Variants in ZNF804B observed in about 807,000 individuals in gnomAD.
The protein encoded by ZNF804B is zinc finger 804B.
A neutral mutation model predicts 101.4 loss-of-function variants in ZNF804B; 80 were observed. That is an observed-to-expected ratio of 0.79 (90% CI 0.66 to 0.95). The LOEUF is 0.95. Ranked by LOEUF, ZNF804B falls within the 40% of genes least tolerant of loss-of-function variation. ZNF804B has a pLI of 0.00. For missense variants in ZNF804B, 1,673 were observed against 1,561.9 expected (o/e 1.07, Z -1.20); for synonymous variants, 622 against 558.8 (o/e 1.11, Z -1.59).
At chr7:88,776,567 T>TTG (rs1562790553) in intron 1 of ZNF804B, among the ~76,000 whole-genome samples, 3 of 145,072 alleles carry the variant, frequency 2.1e-5, no homozygotes, top group African/African-American at 8.0e-5. Flanking sequence ...TTTGTTTTTT[T>TTG]TTTTTTTTTT....
intron 1 of ZNF804B, among the ~76,000 whole-genome samples, chr7:88,938,656 T>G (rs1411317535): frequency 6.6e-6 from 1 of 151,984 alleles, no homozygotes; most frequent in East Asian, 1.9e-4. Flanking sequence ...TATACTGGCT[T>G]TCTAAAAAAT....
chr7:88,900,133 A>G (rs181127696), intron 1 of ZNF804B, among the ~76,000 whole-genome samples: 51 of 152,212 alleles, frequency 3.4e-4, no homozygotes, highest in Middle Eastern at 6.8e-3. Flanking sequence ...TTATTTTAGA[A>G]CAAGATTGGC....
intron 1 of ZNF804B, among the ~76,000 whole-genome samples, chr7:88,877,062 T>TGAAAAAAAAAATATA (rs1583992424): frequency 1.6e-5 from 1 of 63,152 alleles, no homozygotes; most frequent in Non-Finnish European, 2.9e-5. Flanking sequence ...TTTTTTTTTT[T>TGAAAAAAAAAATATA]TTTTTTTTTT....
intron 1 of ZNF804B, among the ~76,000 whole-genome samples, chr7:88,803,164 A>ACC: frequency 6.6e-6 from 1 of 152,168 alleles, no homozygotes; most frequent in South Asian, 2.1e-4. Context: ...TCAGAAAAAA[A>ACC]AACGTTAAAA....
chr7:89,104,924 T>C (rs914489044), intron 1 of ZNF804B, among the ~76,000 whole-genome samples: 1 of 152,128 alleles, frequency 6.6e-6, no homozygotes, highest in Non-Finnish European at 1.5e-5. Flanking sequence ...AACGCAAACA[T>C]GTTCTTCTAC....
chr7:89,191,319 T>C (rs1006146257), intron 1 of ZNF804B, among the ~76,000 whole-genome samples: 9 of 152,156 alleles, frequency 5.9e-5, no homozygotes, highest in Non-Finnish European at 1.2e-4. Context: ...GCATTCATTA[T>C]GAATCTATGA....
intron 1 of ZNF804B, among the ~76,000 whole-genome samples, chr7:89,070,902 G>T (rs939151505): frequency 3.9e-5 from 6 of 151,992 alleles, no homozygotes; most frequent in Non-Finnish European, 7.4e-5. Context: ...TAGTTATCAA[G>T]ATTTCAAAAT....
intron 2 of ZNF804B, among the ~76,000 whole-genome samples, chr7:89,255,354 G>T (rs547585353): frequency 6.6e-6 from 1 of 152,266 alleles, no homozygotes; most frequent in South Asian, 2.1e-4. Context: ...ATTTTGTTGG[G>T]CACACACAGC....
intron 1 of ZNF804B, among the ~76,000 whole-genome samples, chr7:88,812,154 A>T (rs958185666): frequency 3.3e-5 from 5 of 152,172 alleles, no homozygotes; most frequent in African/African-American, 1.2e-4. Context: ...ATAATAGTTG[A>T]GTACTTAGGC....
chr7:89,300,439 T>A (rs187924715), intron 2 of ZNF804B, among the ~76,000 whole-genome samples: 8 of 151,964 alleles, frequency 5.3e-5, no homozygotes, highest in Admixed American at 4.0e-4. Context: ...TGTGATGTAC[T>A]ACTGAGTAGA....
intron 2 of ZNF804B, among the ~76,000 whole-genome samples, chr7:89,293,590 C>T (rs962288147): frequency 6.6e-6 from 1 of 151,956 alleles, no homozygotes; most frequent in Non-Finnish European, 1.5e-5. Flanking sequence ...CGAGACCATC[C>T]TGGCTAATAT....
chr7:88,913,508 C>T (rs2115980249), intron 1 of ZNF804B, among the ~76,000 whole-genome samples: 1 of 152,290 alleles, frequency 6.6e-6, no homozygotes, highest in East Asian at 1.9e-4. Flanking sequence ...GATTCTTCTG[C>T]CTCAACCTCT....
intron 1 of ZNF804B, among the ~76,000 whole-genome samples, chr7:88,892,945 T>C (rs1311865352): frequency 1.3e-5 from 2 of 152,174 alleles, no homozygotes; most frequent in East Asian, 1.9e-4. Context: ...AGGAAACTTT[T>C]TGATTCTTCT....
chr7:88,977,024 A>G (rs1163512906), intron 1 of ZNF804B, among the ~76,000 whole-genome samples: 1 of 151,720 alleles, frequency 6.6e-6, no homozygotes, highest in African/African-American at 2.4e-5. Context: ...TGTTGATACG[A>G]TGTATCACAT....
Position 89,336,813 on chromosome 7 carries a change from C to A in ZNF804B, c.3831C>A (p.His1277Gln). 2 of 1,614,096 alleles carry A rather than the reference C, an allele frequency of 1.2e-6. No homozygotes were observed. Among genetic ancestry groups the A allele is most frequent in the Non-Finnish European group, 1.7e-6 (2 of 1,179,994 alleles). The change falls in exon 4 of 4, where the codon CAC becomes CAA. Residue 1277 changes from histidine (H) to glutamine (Q), a missense_variant. Physicochemically the swap from His to Gln is conservative, Grantham distance 24 (BLOSUM62 0). Transcript: ENST00000333190. ...PLHLVAATPF[H>Q]PSHITLQPLP... ...ATTTAGTAGCTGCTACCCCCTTCCA[C>A]CCATCTCACATAACACTTCAGCCTC...
At chr7:88,832,555 CT>C (rs1213365657) in intron 1 of ZNF804B, among the ~76,000 whole-genome samples, 1 of 151,466 alleles carries the variant, frequency 6.6e-6, no homozygotes. Flanking sequence ...TTTGTTTTTC[CT>C]TTCTGCTCTG....
chr7:89,048,441 T>C (rs564919195), intron 1 of ZNF804B, among the ~76,000 whole-genome samples: 1 of 152,036 alleles, frequency 6.6e-6, no homozygotes, highest in South Asian at 2.1e-4. Flanking sequence ...TATCTAGTCC[T>C]GACAGGCAAC....
intron 2 of ZNF804B, among the ~76,000 whole-genome samples, chr7:89,283,223 A>G (rs1036464086): frequency 3.3e-5 from 5 of 152,180 alleles, no homozygotes; most frequent in African/African-American, 4.8e-5. Context: ...AAATTAAAAT[A>G]TTCAAGAAGA....
chr7:89,220,003 G>GTGTGCATATATA, intron 2 of ZNF804B, among the ~76,000 whole-genome samples: 1 of 23,008 alleles, frequency 4.3e-5, no homozygotes, highest in Admixed American at 4.1e-4. Flanking sequence ...ATATGTATAT[G>GTGTGCATATATA]CACATATATG....
Sources: allele counts gnomAD v4.1 joint callset (sites outside exome capture counted in the v4.1 genomes callset), GRCh38; gene constraint gnomAD v4.1.1; transcripts MANE v1.5; gene names NCBI Gene and HGNC (gene_info 2026-07-23, HGNC 2026-07-21).